Variants in KIF1B observed in about 807,000 individuals in gnomAD.
The protein encoded by KIF1B is kinesin family member 1B.
In KIF1B, 76 loss-of-function variants were observed where a neutral mutation model predicts 241.9. The ratio of observed to expected loss-of-function variants is 0.31; its 90% CI spans 0.26 to 0.38. The LOEUF is 0.38. Among genes scored for constraint, KIF1B ranks in the 10% least tolerant of loss-of-function variants. The pLI, the probability that KIF1B is intolerant of heterozygous loss-of-function variation, is 1.00. For missense variants in KIF1B, 1,622 were observed against 2,271.4 expected (o/e 0.71, Z 5.81); for synonymous variants, 750 against 796.7 (o/e 0.94, Z 0.99).
intron 1 of KIF1B, among the ~76,000 whole-genome samples, chr1:10,217,073 A>G (rs1343020014): frequency 1.4e-5 from 2 of 141,076 alleles, no homozygotes; most frequent in Non-Finnish European, 3.0e-5. Flanking sequence ...TCCCGGATTC[A>G]AGTGATTCTC....
intron 22 of KIF1B, chr1:10,308,207 G>A: frequency 5.7e-6 from 6 of 1,061,792 alleles, no homozygotes; most frequent in Non-Finnish European, 6.8e-6. Context: ...CCTGTGTCCT[G>A]GTGAACCTTA....
At chr1:10,308,409 T>C (rs959020405) in intron 22 of KIF1B, 42 of 1,046,820 alleles carry the variant, frequency 4.0e-5, no homozygotes, top group Non-Finnish European at 4.6e-5. Context: ...CCATTATTAC[T>C]GTAAAATGAA....
chr1:10,238,706 A>AAACAACAACAACAAC (rs146414281), intron 2 of KIF1B, among the ~76,000 whole-genome samples: 2 of 150,576 alleles, frequency 1.3e-5, no homozygotes, highest in African/African-American at 4.9e-5. Flanking sequence ...CCCCATCCAA[A>AAACAACAACAACAAC]AACAACAACA....
At chr1:10,219,411 G>T (rs1646810912) in intron 1 of KIF1B, among the ~76,000 whole-genome samples, 1 of 151,884 alleles carries the variant, frequency 6.6e-6, no homozygotes. Context: ...AGTGAGCCGA[G>T]ATCATGCCAT....
chr1:10,233,511 A>G (rs531528810), intron 2 of KIF1B, among the ~76,000 whole-genome samples: 1 of 152,130 alleles, frequency 6.6e-6, no homozygotes, highest in East Asian at 1.9e-4. Flanking sequence ...GACCCCGTAT[A>G]TATATTTAAA....
At chr1:10,307,198 C>G in intron 22 of KIF1B, 1 of 1,029,606 alleles carries the variant, frequency 9.7e-7, no homozygotes, top group Non-Finnish European at 1.2e-6. Context: ...AATGCTTATC[C>G]TAGAGAATAA....
intron 1 of KIF1B, among the ~76,000 whole-genome samples, chr1:10,215,007 T>C (rs959317525): frequency 3.3e-5 from 5 of 151,646 alleles, no homozygotes; most frequent in African/African-American, 1.2e-4. Flanking sequence ...CTTTGTAATG[T>C]TGTATGTACA....
At chr1:10,291,790 A>T (rs1650012523) in intron 16 of KIF1B, among the ~76,000 whole-genome samples, 1 of 152,176 alleles carries the variant, frequency 6.6e-6, no homozygotes, top group Non-Finnish European at 1.5e-5. Context: ...GACTATCCCA[A>T]AGTCAGTTGA....
chr1:10,304,242 A>G (rs765388951), intron 22 of KIF1B: 4 of 1,614,180 alleles, frequency 2.5e-6, no homozygotes, highest in Non-Finnish European at 8.5e-7. Context: ...CCCAGTTTCC[A>G]TGGGGCTCTC....
At position 10,295,647 on chromosome 1, in the gene KIF1B, C is replaced by A. The variant is rs759630416; in HGVS notation, c.1671-13C>A. Reference sequence around the variant, plus strand: ...TCTGAATTTCCCTGGGAAACACTTTCTCTTGTGTTCAGGGTTGGCCAAGCA... The same window carrying A: ...TCTGAATTTCCCTGGGAAACACTTTATCTTGTGTTCAGGGTTGGCCAAGCA... On this transcript the variant is annotated splice_polypyrimidine_tract_variant and intron_variant, in intron 18 of 48. Coordinates refer to ENST00000676179, the MANE Select transcript of KIF1B (RefSeq NM_001365951.3). 6.2e-7 allele frequency: 1 copy of A among 1,610,076 alleles called. No individual in the cohort carries two copies. The highest frequency in any genetic ancestry group is 2.2e-5 in the East Asian group (1 of 44,824).
chr1:10,306,121 TTTC>T, intron 22 of KIF1B: 1 of 1,041,248 alleles, frequency 9.6e-7, no homozygotes, highest in Non-Finnish European at 1.2e-6. Context: ...AAGAAAATAC[TTTC>T]TTAATGCTCA....
chr1:10,304,953 GT>G (rs1239934152), intron 22 of KIF1B: 3 of 1,179,152 alleles, frequency 2.5e-6, no homozygotes, highest in Admixed American at 4.1e-5. Context: ...CTTGATGTAA[GT>G]TTGTTATGTT....
At chr1:10,375,082 G>T (rs188840272) in intron 47 of KIF1B, 36 bp downstream of exon 47, 1 of 1,601,798 alleles carries the variant, frequency 6.2e-7, no homozygotes, top group East Asian at 2.2e-5. Flanking sequence ...TTATTGCCAC[G>T]TGTGCCCTTC....
rs752632915 is a variant in KIF1B at position 10,292,043 on chromosome 1, C to G, written c.1515-4C>G. ...GTGTTCTGATATACCTGTTTTTTTC[C>G]TAGAGAGGCTTTGTTGGCTGAGATG... On this transcript the variant is annotated splice_region_variant and splice_polypyrimidine_tract_variant and intron_variant, in intron 16 of 48. Coordinates refer to ENST00000676179, the MANE Select transcript of KIF1B (RefSeq NM_001365951.3). The G allele has an allele frequency of 5.0e-6, 8 of 1,612,676 alleles. No individual in the cohort carries two copies. Among genetic ancestry groups the G allele is most frequent in the South Asian group, 1.1e-5 (1 of 91,056 alleles).
intron 45 of KIF1B, among the ~76,000 whole-genome samples, chr1:10,373,836 T>C (rs1638811301): frequency 6.6e-6 from 1 of 152,180 alleles, no homozygotes; most frequent in Admixed American, 6.6e-5. Context: ...GGAGGCTTGT[T>C]GAAGCCCCCA....
rs780653331 is a variant in KIF1B, at chr1:10,303,399, G to C, written c.2115+6153G>C. The C allele has an allele frequency of 1.2e-6, 2 of 1,614,192 alleles. No individual in the cohort carries two copies. The highest frequency in any genetic ancestry group is 1.7e-6 in the Non-Finnish European group (2 of 1,180,042). ...TCACAATCTCAGATCTTAAAATTCA[G>C]GCTGTCAAAGAGATTTGCTATGAGG... On this transcript the variant is annotated intron_variant, in intron 22 of 48. Transcript: ENST00000676179. This position sits in a 1 kb window ranked among gnomAD's most constrained non-coding sequence, Gnocchi z 5.2.
chr1:10,290,559 G>A (rs1214932935), intron 15 of KIF1B, among the ~76,000 whole-genome samples: 2 of 151,746 alleles, frequency 1.3e-5, no homozygotes, highest in Admixed American at 1.3e-4. Flanking sequence ...TCGGCTCGCT[G>A]CAAGCTCTGC....
intron 2 of KIF1B, among the ~76,000 whole-genome samples, chr1:10,242,822 A>G (rs1396571213): frequency 6.6e-6 from 1 of 152,124 alleles, no homozygotes; most frequent in East Asian, 1.9e-4. Flanking sequence ...GCCTATTAAT[A>G]TAATCTTATG....
At chr1:10,306,453 A>G in intron 22 of KIF1B, 14 of 993,762 alleles carry the variant, frequency 1.4e-5, no homozygotes, top group Non-Finnish European at 1.7e-5. Flanking sequence ...TCTAAGATTA[A>G]AAATAATAAT....
Sources: gnomAD v4.1 joint callset for allele counts (sites outside exome capture counted in the v4.1 genomes callset) on GRCh38, gnomAD v4.1.1 for gene constraint, Gnocchi (gnomAD v3.1) non-coding constraint, MANE v1.5 for transcripts, NCBI Gene and HGNC (gene_info 2026-07-23, HGNC 2026-07-21) for gene names.